Variants in F2R observed in about 807,000 individuals in gnomAD.
The protein encoded by F2R is coagulation factor II thrombin receptor, also known as proteinase-activated receptor 1.
F2R carries 12 observed loss-of-function variants against 18.3 expected under a neutral mutation model. The ratio of observed to expected loss-of-function variants is 0.66; its 90% CI spans 0.42 to 1.06. The LOEUF (loss-of-function observed/expected upper bound fraction) is 1.06. Among genes scored for constraint, F2R ranks in the 50% least tolerant of loss-of-function variants. The pLI, the probability that F2R is intolerant of heterozygous loss-of-function variation, is 0.00. For synonymous variants in F2R, 210 were observed against 219.9 expected (o/e 0.95, Z 0.40); for missense variants, 438 against 530.8 (o/e 0.83, Z 1.72).
intron 1 of F2R, among the ~76,000 whole-genome samples, chr5:76,717,392 G>A (rs182057644): frequency 1.3e-5 from 2 of 151,722 alleles, no homozygotes; most frequent in Non-Finnish European, 2.9e-5. Context: ...TTTTTTTTAC[G>A]CTGAAAGAAG....
chr5:76,734,670 G>C lies in F2R; in HGVS notation c.*1167G>C, dbSNP rs1296422291. 6.6e-6 allele frequency: 1 copy of C among 152,300 alleles called. No individual in the cohort carries two copies. Among genetic ancestry groups the C allele is most frequent in the African/African-American group, 2.4e-5 (1 of 41,462 alleles). The allele number at this position is 152,300 out of a possible 1,614,324, so 9.4% of individuals were successfully genotyped here. ...AGTGTACAGAGTGGAATAAGACAGA[G>C]ACCTGCCCTCAAGAGCAAAGTAGAT... is the stretch of plus-strand genomic sequence containing the variant. On this transcript the variant is annotated 3_prime_UTR_variant, in exon 2 of 2. Transcript: ENST00000319211.
In F2R at chr5:76,733,587, A is replaced by G. The variant is rs1358291366; in HGVS notation, c.*84A>G. 7 of 1,083,282 alleles carry G rather than the reference A, an allele frequency of 6.5e-6. No homozygotes were observed. The East Asian group carries it at 1.8e-4, about 28-fold the overall frequency. 67.1% of individuals were successfully genotyped at this position (1,083,282 alleles called of 1,614,324 possible). ...TTCTATTAGTCCCCACCCAAACTTT[A>G]TTGATTCACCTCCTAAAACAACAGA... On this transcript the variant is annotated 3_prime_UTR_variant, in exon 2 of 2. Coordinates refer to ENST00000319211, the MANE Select transcript of F2R (RefSeq NM_001992.5).
intron 1 of F2R, among the ~76,000 whole-genome samples, chr5:76,722,625 T>C (rs1462011853): frequency 6.6e-6 from 1 of 152,214 alleles, no homozygotes; most frequent in Non-Finnish European, 1.5e-5. Flanking sequence ...GCCTCTGATA[T>C]TGGCAGCTTC....
At chr5:76,723,321 A>G (rs1748500815) in intron 1 of F2R, among the ~76,000 whole-genome samples, 1 of 152,240 alleles carries the variant, frequency 6.6e-6, no homozygotes, top group South Asian at 2.1e-4. Flanking sequence ...CATGAATCAC[A>G]AGTTTTTAAG....
Position 76,733,937 on chromosome 5 carries a change from T to G in F2R, c.*434T>G, listed in dbSNP as rs779322145. On this transcript the variant is annotated 3_prime_UTR_variant, in exon 2 of 2. Coordinates refer to ENST00000319211, the MANE Select transcript of F2R (RefSeq NM_001992.5). Reference sequence around the variant, plus strand: ...TATGCAAAGTCTAGGTTGGTAGAGTTTAGCCCTGAACATTTCATGGTGTTC... The same window carrying G: ...TATGCAAAGTCTAGGTTGGTAGAGTGTAGCCCTGAACATTTCATGGTGTTC... 6.0e-5 allele frequency: 10 copies of G among 166,898 alleles called. No individual in the cohort carries two copies. Among genetic ancestry groups the G allele is most frequent in the Non-Finnish European group, 1.0e-4 (8 of 76,540 alleles). The allele number at this position is 166,898 out of a possible 1,614,324, so 10.3% of individuals were successfully genotyped here.
intron 1 of F2R, among the ~76,000 whole-genome samples, chr5:76,731,025 T>G (rs1748658482): frequency 6.6e-6 from 1 of 152,180 alleles, no homozygotes; most frequent in African/African-American, 2.4e-5. Flanking sequence ...TTCACCTATT[T>G]TTGGTTGATA....
intron 1 of F2R, among the ~76,000 whole-genome samples, chr5:76,727,886 C>CTTTT (rs535105741): frequency 7.8e-6 from 1 of 127,822 alleles, no homozygotes; most frequent in Non-Finnish European, 1.7e-5. Flanking sequence ...GACTGGGTCA[C>CTTTT]TTTTTTTTTT....
In F2R at chr5:76,724,058, CT is replaced by C. The variant is rs1741046682; in HGVS notation, c.88+7664del. Among the ~76,000 whole-genome samples the C allele has an allele frequency of 2.6e-5, 4 of 152,198 alleles. No homozygotes were observed. In the South Asian group the frequency reaches 8.3e-4, roughly 32 times the overall value. On this transcript the variant is annotated intron_variant, in intron 1 of 1. Coordinates refer to ENST00000319211, the MANE Select transcript of F2R (RefSeq NM_001992.5). Reference sequence around the variant, plus strand: ...ATACCTAAAAAATGAACATTTCCTTCTGTTTTTTTGTTTGTTTGTTTGTTTT... The same window carrying C: ...ATACCTAAAAAATGAACATTTCCTTCGTTTTTTTGTTTGTTTGTTTGTTTT...
chr5:76,716,499 G>A, intron 1 of F2R, 104 bp downstream of exon 1: 3 of 1,045,674 alleles, frequency 2.9e-6, no homozygotes, highest in Non-Finnish European at 2.6e-6. Flanking sequence ...AGTTTCCTCC[G>A]AAAGCCAAAC....
chr5:76,724,755 C>T (rs547694098), intron 1 of F2R, among the ~76,000 whole-genome samples: 4 of 152,208 alleles, frequency 2.6e-5, no homozygotes, highest in African/African-American at 7.2e-5. Context: ...GAGATTGACT[C>T]CAGCGTCTTT....
At chr5:76,716,441 G>A in intron 1 of F2R, 46 bp downstream of exon 1, 2 of 1,364,778 alleles carry the variant, frequency 1.5e-6, no homozygotes, top group Non-Finnish European at 9.5e-7. Context: ...GGGACGCCGA[G>A]GGGAGACTGC....
At chr5:76,727,325 T>C (rs1748580760) in intron 1 of F2R, among the ~76,000 whole-genome samples, 1 of 152,240 alleles carries the variant, frequency 6.6e-6, no homozygotes, top group Admixed American at 6.5e-5. Flanking sequence ...ATTCTGAGCT[T>C]AATTCAGAGA....
chr5:76,728,160 T>C (rs1748605016), intron 1 of F2R, among the ~76,000 whole-genome samples: 1 of 152,246 alleles, frequency 6.6e-6, no homozygotes, highest in African/African-American at 2.4e-5. Flanking sequence ...ACTTATAACA[T>C]GTATTACCTC....
intron 1 of F2R, among the ~76,000 whole-genome samples, chr5:76,727,942 C>T (rs1748601179): frequency 6.8e-6 from 1 of 146,750 alleles, no homozygotes; most frequent in South Asian, 2.2e-4. Flanking sequence ...GGCTGGAGTA[C>T]AATGGTGTGA....
chr5:76,718,675 G>A (rs538558925), intron 1 of F2R, among the ~76,000 whole-genome samples: 1 of 152,356 alleles, frequency 6.6e-6, no homozygotes, highest in Admixed American at 6.5e-5. Flanking sequence ...TGTTCACTCA[G>A]CAGATAGTTG....
intron 1 of F2R, among the ~76,000 whole-genome samples, chr5:76,722,832 T>G (rs764996230): frequency 5.3e-5 from 8 of 151,812 alleles, no homozygotes; most frequent in Non-Finnish European, 1.2e-4. Context: ...ACAACTGTCA[T>G]CCCAGCTACT....
At chr5:76,729,049 TAA>T (rs1231284684) in intron 1 of F2R, among the ~76,000 whole-genome samples, 1 of 152,250 alleles carries the variant, frequency 6.6e-6, no homozygotes, top group African/African-American at 2.4e-5. Flanking sequence ...CTGTATTATA[TAA>T]TAGTTCTATT....
At chr5:76,722,911 A>G (rs550553029) in intron 1 of F2R, among the ~76,000 whole-genome samples, 1 of 151,556 alleles carries the variant, frequency 6.6e-6, no homozygotes, top group East Asian at 1.9e-4. Flanking sequence ...AGATCGTGCC[A>G]CTGCACTCCA....
chr5:76,729,938 G>A (rs1333288076), intron 1 of F2R, among the ~76,000 whole-genome samples: 1 of 152,114 alleles, frequency 6.6e-6, no homozygotes, highest in Non-Finnish European at 1.5e-5. Context: ...CCCTGCACAA[G>A]CTCTCTCTTT....
Sources: gnomAD v4.1 joint callset for allele counts (sites outside exome capture counted in the v4.1 genomes callset) on GRCh38, gnomAD v4.1.1 for gene constraint, MANE v1.5 for transcripts, NCBI Gene and HGNC (gene_info 2026-07-23, HGNC 2026-07-21) for gene names.